Variants in EPHX4 observed in about 807,000 individuals in gnomAD.
EPHX4 encodes the protein abhydrolase domain containing 7.
EPHX4 carries 31 observed loss-of-function variants against 44.9 expected under a neutral mutation model. The observed-to-expected ratio is 0.69, with a 90% confidence interval of 0.52 to 0.93. The LOEUF (loss-of-function observed/expected upper bound fraction) is 0.93. EPHX4 is among the 40% of genes least tolerant of loss of function. EPHX4 has a pLI of 0.00. For missense variants in EPHX4, 373 were observed against 438.1 expected (o/e 0.85, Z 1.33); for synonymous variants, 151 against 159.7 (o/e 0.95, Z 0.41).
intron 2 of EPHX4, 74 bp from the exon 3 acceptor site, chr1:92,042,742 AAGAAAGG>A: frequency 7.7e-7 from 1 of 1,302,024 alleles, no homozygotes; most frequent in Non-Finnish European, 1.0e-6. Flanking sequence ...AAAAAAAAAA[AAGAAAGG>A]AAAAAGAAAA....
chr1:92,053,731 G>A (rs2101874253), intron 6 of EPHX4, among the ~76,000 whole-genome samples: 1 of 152,284 alleles, frequency 6.6e-6, no homozygotes, highest in South Asian at 2.1e-4. Flanking sequence ...TTTCTGGCAT[G>A]TGCAGCAGTA....
chr1:92,057,569 A>G (rs1487879911), intron 6 of EPHX4, among the ~76,000 whole-genome samples: 1 of 151,966 alleles, frequency 6.6e-6, no homozygotes, highest in East Asian at 1.9e-4. Context: ...ATACACACCC[A>G]TACATAGAAG....
chr1:92,052,480 T>A (rs768921416), intron 5 of EPHX4, 30 bp from the exon 6 acceptor site: 2 of 1,556,456 alleles, frequency 1.3e-6, no homozygotes, highest in Non-Finnish European at 1.7e-6. Context: ...AACAAAAAAG[T>A]TTTAATTATT....
chr1:92,048,435 A>G (rs940275078), intron 4 of EPHX4, among the ~76,000 whole-genome samples: 1 of 152,242 alleles, frequency 6.6e-6, no homozygotes, highest in Non-Finnish European at 1.5e-5. Flanking sequence ...TATTTTATCA[A>G]TAATTGTTTC....
chr1:92,032,393 A>G, intron 1 of EPHX4, 112 bp from the exon 2 acceptor site: 1 of 751,172 alleles, frequency 1.3e-6, no homozygotes, highest in Non-Finnish European at 2.3e-6. Context: ...TAAATACACA[A>G]ATGTTTTAAA....
intron 6 of EPHX4, among the ~76,000 whole-genome samples, chr1:92,062,032 A>AC (rs940561478): frequency 6.8e-4 from 104 of 151,834 alleles, no homozygotes; most frequent in African/African-American, 2.5e-3. Flanking sequence ...ACATAGCAAG[A>AC]CCCCATCTCA....
chr1:92,054,630 C>CAGAATA (rs1398483698), intron 6 of EPHX4, among the ~76,000 whole-genome samples: 1 of 148,824 alleles, frequency 6.7e-6, no homozygotes, highest in South Asian at 2.1e-4. Context: ...TAATAGCAGT[C>CAGAATA]AGAATACAGT....
At chr1:92,053,682 G>T (rs552588063) in intron 6 of EPHX4, among the ~76,000 whole-genome samples, 1 of 152,252 alleles carries the variant, frequency 6.6e-6, no homozygotes, top group East Asian at 1.9e-4. Context: ...ATGGGTTGGA[G>T]GGGGAATGAG....
At chr1:92,047,262 A>G (rs1045290775) in intron 4 of EPHX4, among the ~76,000 whole-genome samples, 1 of 152,204 alleles carries the variant, frequency 6.6e-6, no homozygotes, top group African/African-American at 2.4e-5. Flanking sequence ...GCAAAAAATT[A>G]GCTGGGTGTG....
intron 6 of EPHX4, among the ~76,000 whole-genome samples, chr1:92,053,870 G>A (rs557770107): frequency 1.2e-4 from 18 of 152,248 alleles, no homozygotes; most frequent in East Asian, 1.9e-4. Context: ...CAAATACACC[G>A]TTGGGTAGTA....
chr1:92,058,531 A>G (rs1647422093), intron 6 of EPHX4, among the ~76,000 whole-genome samples: 1 of 152,182 alleles, frequency 6.6e-6, no homozygotes, highest in African/African-American at 2.4e-5. Flanking sequence ...AAAAGCGTTT[A>G]ATAAAATTTA....
At chr1:92,031,654 T>C (rs561469779) in intron 1 of EPHX4, among the ~76,000 whole-genome samples, 2 of 152,334 alleles carry the variant, frequency 1.3e-5, no homozygotes, top group East Asian at 3.9e-4. Flanking sequence ...TTGAGTTGCC[T>C]GCTATAAAAA....
At chr1:92,043,221 G>T in intron 3 of EPHX4, 1 of 325,562 alleles carries the variant, frequency 3.1e-6, no homozygotes, top group Admixed American at 4.7e-5. Flanking sequence ...TTTAAACATA[G>T]ACCTAATGGC....
At chr1:92,053,819 G>A (rs557125837) in intron 6 of EPHX4, among the ~76,000 whole-genome samples, 3 of 152,268 alleles carry the variant, frequency 2.0e-5, no homozygotes, top group South Asian at 2.1e-4. Context: ...GAATTTTATT[G>A]ATCTTAGGCT....
chr1:92,031,584 CT>C (rs1421760675), intron 1 of EPHX4, among the ~76,000 whole-genome samples: 1 of 152,216 alleles, frequency 6.6e-6, no homozygotes, highest in Non-Finnish European at 1.5e-5. Context: ...ATGTTACCAT[CT>C]TTGGGCCTCA....
chr1:92,045,474 T>C, intron 3 of EPHX4, 58 bp from the exon 4 acceptor site: 1 of 1,592,274 alleles, frequency 6.3e-7, no homozygotes, highest in Admixed American at 1.7e-5. Context: ...TTATGTGAGG[T>C]AACAGTGCAC....
chr1:92,044,762 T>C (rs149213089), intron 3 of EPHX4, among the ~76,000 whole-genome samples: 46 of 152,224 alleles, frequency 3.0e-4, no homozygotes, highest in African/African-American at 1.1e-3. Flanking sequence ...ATTTATGAGG[T>C]TGGACATAGA....
chr1:92,046,742 G>C (rs1053797716), intron 4 of EPHX4, among the ~76,000 whole-genome samples: 2 of 152,276 alleles, frequency 1.3e-5, no homozygotes, highest in South Asian at 4.1e-4. Flanking sequence ...GATTACAGGC[G>C]TGAGCCACCG....
At chr1:92,032,649 AT>A (rs1688378740) in intron 2 of EPHX4, 59 bp downstream of exon 2, 1 of 1,343,188 alleles carries the variant, frequency 7.4e-7, no homozygotes, top group Non-Finnish European at 1.1e-6. Context: ...TTCTCAGTTC[AT>A]TTTGTGCTGC....
Sources: allele counts gnomAD v4.1 joint callset (sites outside exome capture counted in the v4.1 genomes callset), GRCh38; gene constraint gnomAD v4.1.1; transcripts MANE v1.5; gene names NCBI Gene and HGNC (gene_info 2026-07-23, HGNC 2026-07-21).